The following MARCHF1 variants were observed in gnomAD, a reference collection of about 807,000 sequenced individuals.
The protein encoded by MARCHF1 is membrane associated ring-CH-type finger 1, also known as E3 ubiquitin-protein ligase MARCHF1.
In MARCHF1, 40 loss-of-function variants were observed where a neutral mutation model predicts 54.2. That is an observed-to-expected ratio of 0.74 (90% CI 0.57 to 0.96). The LOEUF is 0.96. Among genes scored for constraint, MARCHF1 ranks in the 40% least tolerant of loss-of-function variants. The pLI is 0.00. For missense variants in MARCHF1, 586 were observed against 656.5 expected (o/e 0.89, Z 1.17); for synonymous variants, 236 against 236.3 (o/e 1.00, Z 0.01).
chr4:164,278,944 G>C (rs1410358744), intron 1 of MARCHF1, among the ~76,000 whole-genome samples: 2 of 152,046 alleles, frequency 1.3e-5, no homozygotes, highest in African/African-American at 4.8e-5. Context: ...ACCAAAATCT[G>C]TGCATGCCTA....
At chr4:163,955,721 G>A (rs995303345) in intron 3 of MARCHF1, among the ~76,000 whole-genome samples, 1 of 152,070 alleles carries the variant, frequency 6.6e-6, no homozygotes, top group Non-Finnish European at 1.5e-5. Flanking sequence ...TTCTTCGCTT[G>A]CAATAGATTG....
rs192850576 is a variant in MARCHF1 at position 163,965,355 on chromosome 4, A to G, written c.-39+23146T>C. 5.3e-5 allele frequency among the ~76,000 whole-genome samples: 8 copies of G among 151,560 alleles called. No homozygotes were observed. In the East Asian group the frequency reaches 1.6e-3, roughly 30 times the overall value. On this transcript the variant is annotated intron_variant, in intron 3 of 9. Coordinates refer to ENST00000514618, the MANE Select transcript of MARCHF1 (RefSeq NM_001394959.1). ...CTGAGCACTTTATGTAAATCAATTC[A>G]TTGAATCCTCATGCACGCTCTACAC...
chr4:163,577,663 C>T (rs1740084881), intron 8 of MARCHF1, among the ~76,000 whole-genome samples: 1 of 152,004 alleles, frequency 6.6e-6, no homozygotes, highest in South Asian at 2.1e-4. Context: ...GAATTATTTC[C>T]TAAATTATGT....
intron 1 of MARCHF1, among the ~76,000 whole-genome samples, chr4:164,374,378 C>A (rs1004135811): frequency 6.6e-6 from 1 of 151,972 alleles, no homozygotes; most frequent in African/African-American, 2.4e-5. Context: ...GGACAAAAAG[C>A]TAACGATAGT....
chr4:163,688,480 A>T (rs1744340095), intron 5 of MARCHF1, among the ~76,000 whole-genome samples: 1 of 152,180 alleles, frequency 6.6e-6, no homozygotes, highest in Non-Finnish European at 1.5e-5. Context: ...GATGGATCTA[A>T]ATGTGGCTTA....
chr4:163,727,557 G>C (rs1036227190), intron 4 of MARCHF1, among the ~76,000 whole-genome samples: 1 of 151,890 alleles, frequency 6.6e-6, no homozygotes, highest in African/African-American at 2.4e-5. Context: ...TGCCCACCTC[G>C]GCCTCCCAAA....
At chr4:163,531,547 GTTCC>G (rs1158839050) in intron 9 of MARCHF1, among the ~76,000 whole-genome samples, 1 of 151,840 alleles carries the variant, frequency 6.6e-6, no homozygotes, top group Non-Finnish European at 1.5e-5. Flanking sequence ...AGACAAGGAT[GTTCC>G]TTCTTACCAT....
intron 2 of MARCHF1, among the ~76,000 whole-genome samples, chr4:164,006,984 A>C (rs1560858631): frequency 1.8e-5 from 2 of 112,180 alleles, no homozygotes; most frequent in South Asian, 7.2e-4. Flanking sequence ...GGGAGCTCTG[A>C]AATCTGAAAA....
chr4:163,834,569 A>G (rs1749124424), intron 4 of MARCHF1, among the ~76,000 whole-genome samples: 1 of 150,432 alleles, frequency 6.6e-6, no homozygotes, highest in Non-Finnish European at 1.5e-5. Flanking sequence ...ATCATCTAGC[A>G]TTAGGTATAT....
chr4:164,018,532 T>C (rs1156894189), intron 2 of MARCHF1, among the ~76,000 whole-genome samples: 1 of 152,082 alleles, frequency 6.6e-6, no homozygotes, highest in African/African-American at 2.4e-5. Context: ...TTTTAATGAA[T>C]GTTTCATCAA....
intron 3 of MARCHF1, among the ~76,000 whole-genome samples, chr4:163,937,172 A>T (rs1345441025): frequency 1.3e-5 from 2 of 152,156 alleles, no homozygotes; most frequent in African/African-American, 4.8e-5. Context: ...CTAAATCCTA[A>T]TGTAAGCCAC....
Position 163,636,651 on chromosome 4 carries a change from G to T in MARCHF1, c.163-23258C>A, listed in dbSNP as rs937361221. ...CTCATGGGTAGGAAGAATCAATATTGTGAAAATGGCCATACTGCCCAAGGT... is the reference window on the plus strand; with the variant it reads ...CTCATGGGTAGGAAGAATCAATATTTTGAAAATGGCCATACTGCCCAAGGT... On this transcript the variant is annotated intron_variant, in intron 5 of 9. Coordinates refer to ENST00000514618, the MANE Select transcript of MARCHF1 (RefSeq NM_001394959.1). 2.6e-4 allele frequency among the ~76,000 whole-genome samples: 40 copies of T among 152,018 alleles called. No homozygotes were observed. The South Asian group carries it at 7.5e-3, about 28-fold the overall frequency.
intron 8 of MARCHF1, among the ~76,000 whole-genome samples, chr4:163,578,160 C>A (rs1466793519): frequency 6.6e-6 from 1 of 151,898 alleles, no homozygotes; most frequent in East Asian, 1.9e-4. Flanking sequence ...ATAAAAGAAG[C>A]TCCATTTTGT....
intron 1 of MARCHF1, among the ~76,000 whole-genome samples, chr4:164,185,809 C>CACAA (rs1265860547): frequency 1.3e-5 from 2 of 149,522 alleles, no homozygotes; most frequent in African/African-American, 4.9e-5. Flanking sequence ...CACACACACA[C>CACAA]AAAAAAAAAA....
chr4:163,978,352 T>C (rs1188374779), intron 3 of MARCHF1, among the ~76,000 whole-genome samples: 2 of 152,182 alleles, frequency 1.3e-5, no homozygotes, highest in East Asian at 3.9e-4. Context: ...TAATAAAATA[T>C]GTTGAGGAAA....
chr4:163,810,440 C>A (rs999578780), intron 4 of MARCHF1, among the ~76,000 whole-genome samples: 1 of 152,116 alleles, frequency 6.6e-6, no homozygotes, highest in South Asian at 2.1e-4. Context: ...TAAAAATAAT[C>A]AGGTTCTACT....
At chr4:164,067,973 CTTA>C (rs1318218261) in intron 2 of MARCHF1, among the ~76,000 whole-genome samples, 10 of 152,256 alleles carry the variant, frequency 6.6e-5, no homozygotes, top group African/African-American at 2.4e-4. Context: ...TGAAAAAATG[CTTA>C]TTATCACTAA....
intron 4 of MARCHF1, among the ~76,000 whole-genome samples, chr4:163,841,900 A>T (rs1749350836): frequency 6.6e-6 from 1 of 152,132 alleles, no homozygotes; most frequent in Non-Finnish European, 1.5e-5. Context: ...TCATATCAGC[A>T]TTTGAGTTGC....
At chr4:164,176,971 T>C (rs1249443730) in intron 1 of MARCHF1, among the ~76,000 whole-genome samples, 691 of 15,550 alleles carry the variant, frequency 0.044, 41 homozygotes, top group South Asian at 0.073. Context: ...TCTCTCTCTC[T>C]CTCTCTCTCT....
Sources: gnomAD v4.1 joint callset for allele counts (sites outside exome capture counted in the v4.1 genomes callset) on GRCh38, gnomAD v4.1.1 for gene constraint, MANE v1.5 for transcripts, NCBI Gene and HGNC (gene_info 2026-07-23, HGNC 2026-07-21) for gene names.